RANBP2: variants seen among roughly 807,000 people sequenced by gnomAD.
RANBP2 encodes the protein E3 SUMO-protein ligase RanBP2.
In RANBP2, 57 loss-of-function variants were observed where a neutral mutation model predicts 303.6. The ratio of observed to expected loss-of-function variants is 0.19; its 90% CI spans 0.15 to 0.23. RANBP2 has a LOEUF of 0.23. Among genes scored for constraint, RANBP2 ranks in the 10% least tolerant of loss-of-function variants. The probability of loss-of-function intolerance (pLI) is 1.00; values close to 1 mark genes in which losing one functional copy is unlikely to be tolerated. For synonymous variants in RANBP2, 1,167 were observed against 1,301.5 expected (o/e 0.90, Z 2.23); for missense variants, 3,138 against 3,780.8 (o/e 0.83, Z 4.46).
the RANBP2 span, among the ~76,000 whole-genome samples, chr2:108,913,986 C>T: frequency 3.4e-5 from 5 of 148,548 alleles, no homozygotes; most frequent in East Asian, 2.0e-4. Context: ...AGGGGCCGGG[C>T]GCGGTAGCTC....
Position 108,767,771 on chromosome 2 carries a change from A to G in RANBP2, c.7232A>G (p.Asp2411Gly), listed in dbSNP as rs1354083834. ...TTGTGGACTGCATGTGATTTTGCAG[A>G]TGGAGAAAGAAAAGTAGAGCATTTA... ...VWLWTACDFA[D>G]GERKVEHLAV... The change falls in exon 20 of 29, where the codon GAT becomes GGT. Residue 2411 changes from aspartate (D) to glycine (G), a missense_variant. This residue lies in a region of RANBP2 where 92 missense variants were observed against 211.0 expected (regional missense o/e 0.44). Transcript: ENST00000283195. 2.5e-6 allele frequency: 4 copies of G among 1,611,978 alleles called. No individual in the cohort carries two copies. Among genetic ancestry groups the G allele is most frequent in the Non-Finnish European group, 3.4e-6 (4 of 1,179,864 alleles).
chr2:108,893,950 AATAC>A, the RANBP2 span, among the ~76,000 whole-genome samples: 1 of 152,084 alleles, frequency 6.6e-6, no homozygotes, highest in African/African-American at 2.4e-5. Context: ...CCTATTCCCC[AATAC>A]ATATCATTTT....
At chr2:109,394,603 T>G in the RANBP2 span, among the ~76,000 whole-genome samples, 4 of 152,226 alleles carry the variant, frequency 2.6e-5, no homozygotes, top group African/African-American at 9.6e-5. Context: ...GAAAATGTGT[T>G]CTCTTTCCAT....
the RANBP2 span, among the ~76,000 whole-genome samples, chr2:108,823,679 G>A: frequency 6.6e-6 from 1 of 152,122 alleles, no homozygotes; most frequent in East Asian, 1.9e-4. Flanking sequence ...CAATATAACA[G>A]ATAAAAAAGG....
chr2:108,743,097 T>C (rs1696245744), intron 7 of RANBP2, among the ~76,000 whole-genome samples: 1 of 152,172 alleles, frequency 6.6e-6, no homozygotes, highest in African/African-American at 2.4e-5. Flanking sequence ...CCAATAGTTC[T>C]TATTTTTAAT....
chr2:109,638,131 A>T, the RANBP2 span, among the ~76,000 whole-genome samples: 95 of 152,208 alleles, frequency 6.2e-4, no homozygotes, highest in Non-Finnish European at 1.1e-3. Context: ...TACAAGAAAG[A>T]GATAGAGGAG....
the RANBP2 span, among the ~76,000 whole-genome samples, chr2:109,681,412 G>T: frequency 6.6e-6 from 1 of 152,104 alleles, no homozygotes; most frequent in African/African-American, 2.4e-5. Context: ...TTACATTTCA[G>T]TAAAAGTTCA....
the RANBP2 span, among the ~76,000 whole-genome samples, chr2:109,190,178 T>C: frequency 7.0e-6 from 1 of 143,834 alleles, no homozygotes; most frequent in African/African-American, 2.5e-5. Flanking sequence ...TGACATCCTA[T>C]TTTTTTTTTT....
chr2:109,129,984 G>C, the RANBP2 span: 136 of 1,300,160 alleles, frequency 1.0e-4, 1 homozygote, highest in Non-Finnish European at 1.3e-4. Context: ...CGGCCCCCAC[G>C]CTCGCGGGCG....
chr2:108,764,889 A>G lies in RANBP2; in HGVS notation c.4350A>G (p.Ser1450=), dbSNP rs530138739. ...AATCTGCTAACAAAAGTGGATCTTC[A>G]TTTGTTCATCAAGCTTCATTTAAAT... The part of the protein sequence containing the change: ...NTKSANKSGS[S]FVHQASFKFG... The change falls in exon 20 of 29, where the codon TCA becomes TCG. Residue 1450 remains serine, a synonymous_variant. Coordinates refer to ENST00000283195, the MANE Select transcript of RANBP2 (RefSeq NM_006267.5). 6 of 1,614,004 alleles carry G rather than the reference A, an allele frequency of 3.7e-6. No individual in the cohort carries two copies. Among genetic ancestry groups the G allele is most frequent in the African/African-American group, 2.7e-5 (2 of 75,024 alleles).
chr2:108,893,495 T>C, the RANBP2 span, among the ~76,000 whole-genome samples: 1 of 152,090 alleles, frequency 6.6e-6, no homozygotes, highest in East Asian at 1.9e-4. Flanking sequence ...GAAGGAATAA[T>C]ATGGGATGAC....
the RANBP2 span, among the ~76,000 whole-genome samples, chr2:109,619,303 AC>A: frequency 6.6e-6 from 1 of 152,210 alleles, no homozygotes; most frequent in Non-Finnish European, 1.5e-5. Context: ...GGAGGAATCA[AC>A]TTGGAGAGAA....
At chr2:109,178,859 A>G in the RANBP2 span, among the ~76,000 whole-genome samples, 15 of 152,360 alleles carry the variant, frequency 9.8e-5, no homozygotes, top group Non-Finnish European at 1.9e-4. Flanking sequence ...CACTGAATTA[A>G]TAAATGAATT....
chr2:109,405,685 G>A, the RANBP2 span, among the ~76,000 whole-genome samples: 11 of 152,100 alleles, frequency 7.2e-5, no homozygotes, highest in East Asian at 1.7e-3. Context: ...TCACCTCTCC[G>A]CAGCTTTCTA....
chr2:109,063,641 AC>A, the RANBP2 span, among the ~76,000 whole-genome samples: 6 of 152,138 alleles, frequency 3.9e-5, no homozygotes, highest in African/African-American at 1.4e-4. Flanking sequence ...GGGTACACAC[AC>A]ACAGGCACAT....
At chr2:109,359,400 T>A in the RANBP2 span, among the ~76,000 whole-genome samples, 5 of 151,890 alleles carry the variant, frequency 3.3e-5, no homozygotes, top group African/African-American at 1.2e-4. Flanking sequence ...TTCCTATCCA[T>A]GAACATGAAA....
chr2:109,037,014 G>A, the RANBP2 span, among the ~76,000 whole-genome samples: 1 of 152,046 alleles, frequency 6.6e-6, no homozygotes, highest in Admixed American at 6.6e-5. Context: ...GCATGGTGGT[G>A]TGCACCTGTA....
the RANBP2 span, among the ~76,000 whole-genome samples, chr2:109,272,766 G>T: frequency 6.6e-6 from 1 of 152,210 alleles, no homozygotes; most frequent in South Asian, 2.1e-4. Context: ...TTATGAACCA[G>T]CATCAATGCA....
the RANBP2 span, among the ~76,000 whole-genome samples, chr2:109,368,708 TAAAA>T: frequency 1.6e-3 from 215 of 136,810 alleles, 2 homozygotes; most frequent in African/African-American, 4.6e-3. Flanking sequence ...GTATTTTCTT[TAAAA>T]AAAAAAAAAA....
Sources: gnomAD v4.1 joint callset for allele counts (sites outside exome capture counted in the v4.1 genomes callset) on GRCh38, gnomAD v4.1.1 for gene constraint, gnomAD v4.1.1 regional missense constraint, MANE v1.5 for transcripts, NCBI Gene and HGNC (gene_info 2026-07-23, HGNC 2026-07-21) for gene names.